The following GDAP1 variants were observed in gnomAD, a reference collection of about 807,000 sequenced individuals.
The protein encoded by GDAP1 is ganglioside-induced differentiation-associated protein 1.
A neutral mutation model predicts 40.1 loss-of-function variants in GDAP1; 34 were observed. The ratio of observed to expected loss-of-function variants is 0.85; its 90% CI spans 0.64 to 1.13. The LOEUF (loss-of-function observed/expected upper bound fraction) is 1.13. Among genes scored for constraint, GDAP1 ranks in the 50% most tolerant of loss-of-function variants. The pLI is 0.00. For synonymous variants in GDAP1, 170 were observed against 157.4 expected (o/e 1.08, Z -0.60); for missense variants, 374 against 433.7 (o/e 0.86, Z 1.22).
intron 2 of GDAP1, among the ~76,000 whole-genome samples, chr8:74,409,044 A>G (rs1045008655): frequency 7.3e-5 from 11 of 150,138 alleles, no homozygotes; most frequent in African/African-American, 2.5e-4. Flanking sequence ...ACGTGTAAAA[A>G]TAAAGATTTA....
At chr8:74,463,223 A>G (rs1381716685) in intron 2 of GDAP1, among the ~76,000 whole-genome samples, 3 of 144,204 alleles carry the variant, frequency 2.1e-5, no homozygotes, top group African/African-American at 2.6e-5. Flanking sequence ...AGGCCATGGT[A>G]GAAGGATTGC....
rs150246195 is a variant in GDAP1 at position 74,351,621 on chromosome 8, T to A, written c.310+155T>A. On this transcript the variant is annotated intron_variant, in intron 2 of 5. Transcript: ENST00000220822. ...TTCCATTTCCATAAGCACACAAATA[T>A]CAAATAGGTCAATAACAAATTTTGT... Among the ~76,000 whole-genome samples, 418 of 152,348 alleles carry A rather than the reference T, an allele frequency of 2.7e-3. No individual in the cohort carries two copies. The highest frequency in any genetic ancestry group is 9.8e-3 in the African/African-American group (407 of 41,580).
intron 2 of GDAP1, among the ~76,000 whole-genome samples, chr8:74,378,426 T>C (rs112051513): frequency 5.9e-5 from 9 of 152,240 alleles, no homozygotes; most frequent in Admixed American, 2.0e-4. Context: ...AAGAGGTGGA[T>C]TGAGAAAATA....
At chr8:74,428,565 C>T (rs1261432291) in intron 2 of GDAP1, among the ~76,000 whole-genome samples, 1 of 144,338 alleles carries the variant, frequency 6.9e-6, no homozygotes, top group Non-Finnish European at 1.5e-5. Flanking sequence ...CTCCCAGATT[C>T]AAGTGATTCT....
chr8:74,378,849 G>A (rs1464220600), intron 2 of GDAP1, among the ~76,000 whole-genome samples: 1 of 152,180 alleles, frequency 6.6e-6, no homozygotes, highest in African/African-American at 2.4e-5. Context: ...CACTTCCTCT[G>A]TGAGTTTACA....
At chr8:74,405,688 A>G (rs1805628997) in intron 2 of GDAP1, among the ~76,000 whole-genome samples, 1 of 150,218 alleles carries the variant, frequency 6.7e-6, no homozygotes, top group African/African-American at 2.5e-5. Context: ...TTGAGTGAAT[A>G]GATAGTCCTA....
chr8:74,358,045 T>C (rs1809187260), intron 2 of GDAP1, among the ~76,000 whole-genome samples: 1 of 152,210 alleles, frequency 6.6e-6, no homozygotes, highest in Non-Finnish European at 1.5e-5. Context: ...GCATGCTTGA[T>C]GCGCACAAAG....
downstream of GDAP1, among the ~76,000 whole-genome samples, chr8:74,370,835 A>G (rs1809736333): frequency 6.6e-6 from 1 of 152,264 alleles, no homozygotes; most frequent in Non-Finnish European, 1.5e-5. Flanking sequence ...TGGCCATATT[A>G]ATTTCAGAAA....
chr8:74,471,467 ATTCC>A (rs1464613959), intron 2 of GDAP1, among the ~76,000 whole-genome samples: 6 of 149,018 alleles, frequency 4.0e-5, no homozygotes, highest in East Asian at 2.0e-4. Flanking sequence ...AAAAAAAATA[ATTCC>A]TTCCTTTTGT....
intron 2 of GDAP1, among the ~76,000 whole-genome samples, chr8:74,484,123 T>C (rs1404532544): frequency 2.0e-5 from 3 of 152,196 alleles, no homozygotes; most frequent in Non-Finnish European, 4.4e-5. Context: ...AAATTATTAT[T>C]TGATCTGGAA....
At chr8:74,381,045 G>A (rs1809944014) in intron 2 of GDAP1, among the ~76,000 whole-genome samples, 2 of 151,430 alleles carry the variant, frequency 1.3e-5, no homozygotes, top group South Asian at 4.2e-4. Context: ...GGATTACCAA[G>A]GGGGATGAAG....
intron 2 of GDAP1, among the ~76,000 whole-genome samples, chr8:74,457,827 C>G (rs1806354635): frequency 6.6e-6 from 1 of 152,258 alleles, no homozygotes; most frequent in East Asian, 1.9e-4. Flanking sequence ...CTACAAGACA[C>G]TATGACTCAG....
intron 2 of GDAP1, among the ~76,000 whole-genome samples, chr8:74,402,010 C>T (rs1810350936): frequency 1.3e-5 from 2 of 150,246 alleles, no homozygotes; most frequent in South Asian, 4.1e-4. Context: ...GGGTCAGGGA[C>T]CCACTTGAGG....
At chr8:74,459,458 A>G (rs983164207) in intron 2 of GDAP1, among the ~76,000 whole-genome samples, 20 of 152,180 alleles carry the variant, frequency 1.3e-4, no homozygotes, top group South Asian at 4.1e-4. Context: ...CTATAGATCT[A>G]GTGTTTTGTC....
At chr8:74,480,713 A>G (rs1276413180) in intron 2 of GDAP1, among the ~76,000 whole-genome samples, 1 of 152,218 alleles carries the variant, frequency 6.6e-6, no homozygotes, top group Non-Finnish European at 1.5e-5. Flanking sequence ...TTTTAATGTC[A>G]AGTATGAAAA....
At chr8:74,381,376 A>G (rs931790980) in intron 2 of GDAP1, among the ~76,000 whole-genome samples, 3 of 152,222 alleles carry the variant, frequency 2.0e-5, no homozygotes, top group Non-Finnish European at 4.4e-5. Context: ...TTATGCAGCT[A>G]TTAAGAGTGA....
In GDAP1 at chr8:74,443,710, G is replaced by A. The variant is rs544483218; in HGVS notation, c.166-44968G>A. Among the ~76,000 whole-genome samples the A allele has an allele frequency of 1.1e-4, 17 of 152,230 alleles. No homozygotes were observed. In the South Asian group the frequency reaches 1.5e-3, roughly 13 times the overall value. ...CCGCTGATCCAGCACCCCAGCTATG[G>A]GACTGGTTCAAGACCGTGAGTGACC... On this transcript the variant is annotated intron_variant, in intron 2 of 2. Transcript: ENST00000523640.
At chr8:74,400,518 T>C (rs1810307236) in intron 2 of GDAP1, among the ~76,000 whole-genome samples, 1 of 150,132 alleles carries the variant, frequency 6.7e-6, no homozygotes, top group South Asian at 2.1e-4. Context: ...TTTGCCAGTC[T>C]GTGTCTTTTA....
At chr8:74,371,442 C>T (rs887175678), downstream of GDAP1, among the ~76,000 whole-genome samples, 6 of 152,044 alleles carry the variant, frequency 3.9e-5, no homozygotes, top group African/African-American at 1.2e-4. Context: ...GGGCGGATCA[C>T]GAGGTCAGGA....
Sources: gnomAD v4.1 joint callset for allele counts (sites outside exome capture counted in the v4.1 genomes callset) on GRCh38, gnomAD v4.1.1 for gene constraint, MANE v1.5 for transcripts, NCBI Gene and HGNC (gene_info 2026-07-23, HGNC 2026-07-21) for gene names.